The following UGT2B7 variants were observed in gnomAD, a reference collection of about 807,000 sequenced individuals.
UGT2B7 encodes the protein UDP glucuronosyltransferase family 2 member B7.
A neutral mutation model predicts 51.9 loss-of-function variants in UGT2B7; 51 were observed. That is an observed-to-expected ratio of 0.98 (90% CI 0.78 to 1.24). UGT2B7 has a LOEUF of 1.24. Among genes scored for constraint, UGT2B7 ranks in the 50% most tolerant of loss-of-function variants. The probability of loss-of-function intolerance (pLI) is 0.00; values close to 1 mark genes in which losing one functional copy is unlikely to be tolerated. For synonymous variants in UGT2B7, 225 were observed against 211.6 expected, an observed-to-expected ratio of 1.06 and a Z score of -0.55; for missense variants, 727 against 628.4, an observed-to-expected ratio of 1.16 and a Z score of -1.68.
chr4:69,085,851 A>T (rs1219470523), intron 1 of UGT2B7, among the ~76,000 whole-genome samples: 1 of 151,576 alleles, frequency 6.6e-6, no homozygotes, highest in African/African-American at 2.4e-5. Context: ...AATCCATTGT[A>T]TTTCTGTGTA....
chr4:69,059,607 G>C (rs10014355), intron 1 of UGT2B7, among the ~76,000 whole-genome samples: 5,817 of 152,154 alleles, frequency 0.038, 148 homozygotes, highest in Middle Eastern at 0.11. Context: ...CACCTGGACT[G>C]GCTGTAAGTC....
chr4:69,095,632 T>G (rs527625267), upstream of UGT2B7, among the ~76,000 whole-genome samples: 1 of 152,326 alleles, frequency 6.6e-6, no homozygotes, highest in African/African-American at 2.4e-5. Flanking sequence ...GAGAACAAGC[T>G]AACCTAATGA....
intron 1 of UGT2B7, among the ~76,000 whole-genome samples, chr4:69,097,914 A>G (rs962197549): frequency 2.0e-5 from 3 of 152,058 alleles, no homozygotes; most frequent in African/African-American, 7.2e-5. Context: ...TATGAGACAA[A>G]TTAAGGTTGA....
At chr4:69,096,118 A>G (rs926880433), upstream of UGT2B7, among the ~76,000 whole-genome samples, 77 of 152,308 alleles carry the variant, frequency 5.1e-4, no homozygotes, top group African/African-American at 1.8e-3. Flanking sequence ...TTACATGTCA[A>G]CAAAGTTTAC....
chr4:69,059,371 C>T (rs1718291521), intron 1 of UGT2B7, among the ~76,000 whole-genome samples: 1 of 152,164 alleles, frequency 6.6e-6, no homozygotes, highest in Non-Finnish European at 1.5e-5. Context: ...TGGTTCTGTT[C>T]CTTTGCTGGG....
chr4:69,099,043 CA>C lies in UGT2B7; in HGVS notation c.870+356del, dbSNP rs1719340394. Among the ~76,000 whole-genome samples, 5 of 151,878 alleles carry C rather than the reference CA, an allele frequency of 3.3e-5. No homozygotes were observed. The South Asian group carries it at 1.0e-3, about 32-fold the overall frequency. On this transcript the variant is annotated intron_variant, in intron 2 of 5. Coordinates refer to ENST00000305231, the MANE Select transcript of UGT2B7 (RefSeq NM_001074.4). ...CAGAATTTTCAGAGAAAAAAATAGA[CA>C]CAGTTTCTGTCCCCACATACCTTAC...
chr4:69,079,301 C>T (rs1198064619), intron 1 of UGT2B7, among the ~76,000 whole-genome samples: 1 of 152,106 alleles, frequency 6.6e-6, no homozygotes, highest in Non-Finnish European at 1.5e-5. Context: ...CAAGTTGATT[C>T]TTAATTAATT....
chr4:69,054,223 G>T (rs756092504), intron 1 of UGT2B7, among the ~76,000 whole-genome samples: 1 of 151,634 alleles, frequency 6.6e-6, no homozygotes, highest in Non-Finnish European at 1.5e-5. Context: ...TGTCAGAAAA[G>T]AAAAAAATGG....
In UGT2B7 at chr4:69,101,349, T is replaced by A. The variant is rs538173643; in HGVS notation, c.871-1458T>A. On this transcript the variant is annotated intron_variant, in intron 2 of 5. Transcript: ENST00000305231. ...TTTAGAAAAATTTTATTTAAAAAAA[T>A]TTTTTTCATGCTTTTATAAAATTTC... is the stretch of plus-strand genomic sequence containing the variant. Among the ~76,000 whole-genome samples, 15 of 150,914 alleles carry A rather than the reference T, an allele frequency of 9.9e-5. No individual in the cohort carries two copies. In the East Asian group the frequency reaches 1.5e-3, roughly 16 times the overall value.
chr4:69,097,403 A>G (rs1719277353), intron 1 of UGT2B7, among the ~76,000 whole-genome samples, 162 bp downstream of exon 1: 1 of 152,102 alleles, frequency 6.6e-6, no homozygotes, highest in Admixed American at 6.6e-5. Flanking sequence ...ATTATAGAAA[A>G]GCTTAAATTA....
chr4:69,088,011 T>C (rs1719000417), intron 1 of UGT2B7, among the ~76,000 whole-genome samples: 2 of 152,056 alleles, frequency 1.3e-5, no homozygotes, highest in African/African-American at 4.8e-5. Context: ...TATTTTATTA[T>C]ATATGCTTTC....
chr4:69,109,952 A>G (rs1436257511), intron 5 of UGT2B7, among the ~76,000 whole-genome samples: 1 of 152,080 alleles, frequency 6.6e-6, no homozygotes, highest in Non-Finnish European at 1.5e-5. Flanking sequence ...TAATTGAAAA[A>G]GAACACAAAC....
intron 1 of UGT2B7, among the ~76,000 whole-genome samples, chr4:69,084,678 T>G (rs1208423795): frequency 6.6e-6 from 1 of 152,122 alleles, no homozygotes; most frequent in Non-Finnish European, 1.5e-5. Flanking sequence ...CCATGTGTTC[T>G]CATTGTTCAT....
At chr4:69,059,161 G>A (rs1036695692) in intron 1 of UGT2B7, among the ~76,000 whole-genome samples, 1 of 152,192 alleles carries the variant, frequency 6.6e-6, no homozygotes, top group Non-Finnish European at 1.5e-5. Context: ...TGGCCAGATT[G>A]GAAGTTAGAG....
upstream of UGT2B7, among the ~76,000 whole-genome samples, chr4:69,094,527 AT>A (rs1431214321): frequency 2.0e-5 from 3 of 152,254 alleles, no homozygotes; most frequent in South Asian, 2.1e-4. Flanking sequence ...GTCTAAAAAA[AT>A]ACATGCCTTA....
chr4:69,088,407 C>T (rs767742482), intron 1 of UGT2B7, among the ~76,000 whole-genome samples: 20 of 151,806 alleles, frequency 1.3e-4, no homozygotes, highest in Non-Finnish European at 2.6e-4. Context: ...AATAGGTGTG[C>T]ACTGAATTTC....
At chr4:69,062,062 T>C (rs1286928179) in intron 1 of UGT2B7, among the ~76,000 whole-genome samples, 5 of 152,186 alleles carry the variant, frequency 3.3e-5, no homozygotes, top group Admixed American at 6.5e-5. Flanking sequence ...TTAACTCGAC[T>C]GTTAAAAATA....
At chr4:69,063,135 C>T (rs527607294) in intron 1 of UGT2B7, among the ~76,000 whole-genome samples, 29 of 151,152 alleles carry the variant, frequency 1.9e-4, no homozygotes, top group South Asian at 1.5e-3. Flanking sequence ...CCGGCTAAAA[C>T]GGTGAAACCC....
chr4:69,052,297 C>G (rs1718041469), intron 1 of UGT2B7, among the ~76,000 whole-genome samples: 1 of 151,754 alleles, frequency 6.6e-6, no homozygotes, highest in South Asian at 2.1e-4. Flanking sequence ...AAGAGAACAG[C>G]AGCATAAGCA....
Sources: allele counts gnomAD v4.1 joint callset (sites outside exome capture counted in the v4.1 genomes callset), GRCh38; gene constraint gnomAD v4.1.1; transcripts MANE v1.5; gene names NCBI Gene and HGNC (gene_info 2026-07-23, HGNC 2026-07-21).